RPTOR: variants seen among roughly 807,000 people sequenced by gnomAD.
RPTOR encodes the protein regulatory-associated protein of mTOR.
RPTOR carries 21 observed loss-of-function variants against 169.9 expected under a neutral mutation model. The ratio of observed to expected loss-of-function variants is 0.12; its 90% CI spans 0.09 to 0.18. RPTOR has a LOEUF of 0.18. Ranked by LOEUF, RPTOR falls within the 10% of genes least tolerant of loss-of-function variation. RPTOR has a pLI of 1.00. For synonymous variants in RPTOR, 732 were observed against 753.2 expected (o/e 0.97, Z 0.46); for missense variants, 1,133 against 1,855.9 (o/e 0.61, Z 7.16).
At chr17:80,904,585 T>C (rs1353566016) in intron 20 of RPTOR, among the ~76,000 whole-genome samples, 1 of 152,188 alleles carries the variant, frequency 6.6e-6, no homozygotes, top group African/African-American at 2.4e-5. Context: ...TGAAAATAGG[T>C]TCTCCGTGCT....
chr17:80,823,374 C>CCA lies in RPTOR; in HGVS notation c.1136+152_1136+153dup. 3.6e-6 allele frequency: 3 copies of CCA among 830,624 alleles called. No individual in the cohort carries two copies. The highest frequency in any genetic ancestry group is 5.0e-5 in the South Asian group (2 of 40,358). The allele number at this position is 830,624 out of a possible 1,614,324, so 51.5% of individuals were successfully genotyped here. ...ACAAGTGAAGCTAAATGCAGGGCTCCCAGAGATCTCCACACAGAGGAGTGG... is the reference window on the plus strand; with the variant it reads ...ACAAGTGAAGCTAAATGCAGGGCTCCCACAGAGATCTCCACACAGAGGAGTGG... On this transcript the variant is annotated intron_variant, in intron 9 of 33. Transcript: ENST00000306801. The surrounding 1 kb of genome is among the most constrained non-coding windows in gnomAD (Gnocchi z 4.5).
chr17:80,885,299 C>A, intron 17 of RPTOR, 151 bp downstream of exon 17: 1 of 1,038,766 alleles, frequency 9.6e-7, no homozygotes, highest in Non-Finnish European at 1.4e-6. Flanking sequence ...GTTTCATTCT[C>A]TTCAAGTTGC....
At chr17:80,638,975 CGAAGCTTTCCTGTCCCAGATGCCT>C (rs1567833769) in intron 2 of RPTOR, among the ~76,000 whole-genome samples, 2 of 152,170 alleles carry the variant, frequency 1.3e-5, no homozygotes, top group East Asian at 3.9e-4. Flanking sequence ...GGGTCCCGGC[CGAAGCTTTCCTGTCCCAGATGCCT>C]GCAGCTGTGT....
At chr17:80,702,612 T>A (rs1430829786) in intron 3 of RPTOR, among the ~76,000 whole-genome samples, 1 of 152,240 alleles carries the variant, frequency 6.6e-6, no homozygotes, top group East Asian at 1.9e-4. Context: ...AGGAGGCGTA[T>A]TATTAATATC....
intron 20 of RPTOR, among the ~76,000 whole-genome samples, chr17:80,897,826 G>A (rs948926282): frequency 2.0e-5 from 3 of 152,208 alleles, no homozygotes; most frequent in African/African-American, 4.8e-5. Context: ...TCGGGCAGCA[G>A]AGGTTGCAGT....
chr17:80,719,687 C>T (rs2066268922), intron 4 of RPTOR, among the ~76,000 whole-genome samples: 1 of 152,138 alleles, frequency 6.6e-6, no homozygotes, highest in Non-Finnish European at 1.5e-5. Context: ...TACATATCAT[C>T]CAGAAGCAGG....
chr17:80,787,219 T>C (rs1354855576), intron 6 of RPTOR, among the ~76,000 whole-genome samples: 1 of 152,228 alleles, frequency 6.6e-6, no homozygotes, highest in African/African-American at 2.4e-5. Flanking sequence ...GTGCTGAATG[T>C]GATTTTGAGG....
chr17:80,553,623 AT>A (rs1293853351), intron 1 of RPTOR, among the ~76,000 whole-genome samples: 1 of 152,226 alleles, frequency 6.6e-6, no homozygotes, highest in African/African-American at 2.4e-5. Context: ...GTGAACAAAT[AT>A]TTCCAGATGA....
At chr17:80,805,056 CTG>C (rs2067204734) in intron 7 of RPTOR, 1 of 152,188 alleles carries the variant, frequency 6.6e-6, no homozygotes, top group Non-Finnish European at 1.5e-5. Flanking sequence ...TATTTGGAAA[CTG>C]TCTTTCCTAG....
At chr17:80,797,514 A>G (rs1045471991) in intron 7 of RPTOR, among the ~76,000 whole-genome samples, 2 of 152,218 alleles carry the variant, frequency 1.3e-5, no homozygotes, top group African/African-American at 4.8e-5. Flanking sequence ...GATCTTGTTA[A>G]TCAAGTGATC....
intron 3 of RPTOR, among the ~76,000 whole-genome samples, chr17:80,672,846 G>T (rs187632180): frequency 2.0e-4 from 31 of 152,216 alleles, no homozygotes; most frequent in Admixed American, 1.8e-3. Context: ...AGACACTTTT[G>T]TAAATGACGA....
intron 25 of RPTOR, among the ~76,000 whole-genome samples, chr17:80,942,349 T>C (rs1178662156): frequency 6.7e-6 from 1 of 149,256 alleles, no homozygotes; most frequent in Non-Finnish European, 1.5e-5. Context: ...GAGCCTGTGG[T>C]CAGAATTGAG....
chr17:80,836,134 C>T (rs1284994877), intron 9 of RPTOR, among the ~76,000 whole-genome samples: 1 of 152,214 alleles, frequency 6.6e-6, no homozygotes, highest in African/African-American at 2.4e-5. Context: ...CACGGGCTCC[C>T]TGGTCAGGCC....
intron 7 of RPTOR, among the ~76,000 whole-genome samples, chr17:80,821,950 T>G (rs1220184385): frequency 6.6e-6 from 1 of 152,194 alleles, no homozygotes; most frequent in Non-Finnish European, 1.5e-5. Context: ...TCTGTAAGTC[T>G]GGGGACACCA....
intron 1 of RPTOR, among the ~76,000 whole-genome samples, chr17:80,563,195 T>G (rs2084523324): frequency 6.6e-6 from 1 of 150,792 alleles, no homozygotes; most frequent in African/African-American, 2.5e-5. Flanking sequence ...TCAGCAGGCA[T>G]GAATGTTTTC....
At chr17:80,606,268 C>T (rs1322817896) in intron 1 of RPTOR, among the ~76,000 whole-genome samples, 2 of 151,068 alleles carry the variant, frequency 1.3e-5, no homozygotes, top group Non-Finnish European at 2.9e-5. Flanking sequence ...CCTCGGCCTC[C>T]CAAAGTGCTG....
At chr17:80,811,071 CT>C (rs2067267359) in intron 7 of RPTOR, among the ~76,000 whole-genome samples, 1 of 152,102 alleles carries the variant, frequency 6.6e-6, no homozygotes, top group Non-Finnish European at 1.5e-5. Context: ...TCTTTAATTT[CT>C]TTTTCTTGCT....
intron 20 of RPTOR, among the ~76,000 whole-genome samples, chr17:80,903,448 A>C (rs1022638253): frequency 6.6e-6 from 1 of 152,194 alleles, no homozygotes; most frequent in African/African-American, 2.4e-5. Flanking sequence ...CCTGCACCCC[A>C]GGCCTGCCCA....
intron 33 of RPTOR, among the ~76,000 whole-genome samples, 169 bp downstream of exon 33, chr17:80,963,226 C>T (rs1487281622): frequency 1.3e-5 from 2 of 152,080 alleles, no homozygotes; most frequent in Non-Finnish European, 2.9e-5. Context: ...AGGGCCCCTG[C>T]CCCACCCTGC....
Sources: gnomAD v4.1 joint callset for allele counts (sites outside exome capture counted in the v4.1 genomes callset) on GRCh38, gnomAD v4.1.1 for gene constraint, Gnocchi (gnomAD v3.1) non-coding constraint, MANE v1.5 for transcripts, NCBI Gene and HGNC (gene_info 2026-07-23, HGNC 2026-07-21) for gene names.